The following AP3B1 variants were observed in gnomAD, a reference collection of about 807,000 sequenced individuals.
The protein encoded by AP3B1 is adaptor related protein complex 3 subunit beta 1.
In AP3B1, 61 loss-of-function variants were observed where a neutral mutation model predicts 132.5. The ratio of observed to expected loss-of-function variants is 0.46; its 90% CI spans 0.37 to 0.57. The LOEUF (loss-of-function observed/expected upper bound fraction) is 0.57. Among genes scored for constraint, AP3B1 ranks in the 20% least tolerant of loss-of-function variants. The pLI, the probability that AP3B1 is intolerant of heterozygous loss-of-function variation, is 0.00. For missense variants in AP3B1, 1,120 were observed against 1,289.4 expected, an observed-to-expected ratio of 0.87 and a Z score of 2.01; for synonymous variants, 388 against 438.3, an observed-to-expected ratio of 0.89 and a Z score of 1.43.
intron 14 of AP3B1, among the ~76,000 whole-genome samples, chr5:78,148,588 T>C (rs1354466283): frequency 6.6e-6 from 1 of 152,232 alleles, no homozygotes; most frequent in Non-Finnish European, 1.5e-5. Context: ...TCAATGTTTT[T>C]AGTTCTAGGT....
intron 24 of AP3B1, among the ~76,000 whole-genome samples, chr5:78,033,887 G>GA (rs141511109): frequency 0.16 from 23,344 of 148,186 alleles, 2,256 homozygotes; most frequent in Admixed American, 0.27. Context: ...ATGTAAAAAG[G>GA]AAAAAAAAAA....
In AP3B1 at chr5:78,039,798, G is replaced by A. The variant is rs375445190; in HGVS notation, c.2578-524C>T. 3.2e-3 allele frequency among the ~76,000 whole-genome samples: 414 copies of A among 130,012 alleles called. 2 individuals are homozygous for A. Among genetic ancestry groups the A allele is most frequent in the African/African-American group, 0.011 (363 of 34,062 alleles). The allele number at this position is 130,012 out of a possible 152,430, so 85.3% of individuals were successfully genotyped here. ...GTCTCAAAAAAAAAAAAAAAGAAAAGAAAAGAAAAAAAAAAGAAATTTTTC... is the reference window on the plus strand; with the variant it reads ...GTCTCAAAAAAAAAAAAAAAGAAAAAAAAAGAAAAAAAAAAGAAATTTTTC... On this transcript the variant is annotated intron_variant, in intron 22 of 26. Coordinates refer to ENST00000255194, the MANE Select transcript of AP3B1 (RefSeq NM_003664.5).
chr5:78,025,486 G>A (rs116928892), intron 24 of AP3B1, among the ~76,000 whole-genome samples: 4,505 of 152,284 alleles, frequency 0.03, 165 homozygotes, highest in East Asian at 0.14. Context: ...GAGTGATCAA[G>A]TGACCCAGTT....
rs141102178 is a variant in AP3B1 at position 78,113,813 on chromosome 5, G to A, written c.2188C>T (p.Arg730Trp). ...SSSEQDSESGRESGLENKRTA... is the reference protein window; with the variant it reads ...SSSEQDSESGWESGLENKRTA... The stretch of plus-strand genomic sequence containing the variant: ...CTTTTGTTTTCTAGGCCTGACTCCC[G>A]TCCACTCTCACTGTCCTGCTCACTG... The change falls in exon 19 of 27, where the codon CGG (arginine) becomes TGG (tryptophan). Residue 730 changes from arginine to tryptophan, a missense_variant. Arg to Trp is a moderately radical substitution (Grantham distance 101, BLOSUM62 -3). Around this residue, in one of 3 missense-constraint regions of AP3B1, gnomAD observed 906 missense variants for 997.1 expected, o/e 0.91. Transcript: ENST00000255194. 614 of 1,613,826 alleles carry A rather than the reference G, an allele frequency of 3.8e-4. 1 individual carries two copies. The highest frequency in any genetic ancestry group is 4.1e-4 in the Non-Finnish European group (480 of 1,180,008).
intron 1 of AP3B1, among the ~76,000 whole-genome samples, chr5:78,279,322 G>T (rs570889270): frequency 1.2e-4 from 19 of 152,090 alleles, no homozygotes; most frequent in African/African-American, 4.6e-4. Context: ...TTTATTTTCT[G>T]AAGCTTATAA....
At chr5:78,006,376 C>A (rs1746396719) in intron 26 of AP3B1, among the ~76,000 whole-genome samples, 1 of 152,186 alleles carries the variant, frequency 6.6e-6, no homozygotes. Context: ...CTAATATACA[C>A]ATAATCTATT....
chr5:78,043,856 A>G (rs1748203459), intron 22 of AP3B1: 3 of 363,530 alleles, frequency 8.3e-6, no homozygotes, highest in African/African-American at 4.3e-5. Context: ...TGGTAGACAC[A>G]GGCATTGACA....
At chr5:78,018,344 A>G (rs1431937269) in intron 25 of AP3B1, among the ~76,000 whole-genome samples, 1 of 151,986 alleles carries the variant, frequency 6.6e-6, no homozygotes, top group Non-Finnish European at 1.5e-5. Context: ...AAAAAAGTTT[A>G]GCCATGAAAC....
Position 78,239,778 on chromosome 5 carries a change from C to CAAA in AP3B1, c.279+1081_279+1083dup, listed in dbSNP as rs560151932. ...TGAGTGACGAAGTGAGACTCTGTCTCAAAAAAAAAAAAAAAAAAAAATCAA... is the reference window on the plus strand; with the variant it reads ...TGAGTGACGAAGTGAGACTCTGTCTCAAAAAAAAAAAAAAAAAAAAAAAATCAA... On this transcript the variant is annotated intron_variant, in intron 3 of 26. Coordinates refer to ENST00000255194, the MANE Select transcript of AP3B1 (RefSeq NM_003664.5). Among the ~76,000 whole-genome samples, 102 of 77,206 alleles carry CAAA rather than the reference C, an allele frequency of 1.3e-3. 1 individual carries two copies. Among genetic ancestry groups the CAAA allele is most frequent in the African/African-American group, 4.3e-3 (88 of 20,484 alleles). 50.7% of individuals were successfully genotyped at this position (77,206 alleles called of 152,430 possible).
intron 2 of AP3B1, among the ~76,000 whole-genome samples, chr5:78,246,417 G>T (rs1747382023): frequency 6.6e-6 from 1 of 152,108 alleles, no homozygotes; most frequent in Admixed American, 6.6e-5. Context: ...ACTGAACTCA[G>T]AAATTGAATT....
chr5:78,021,323 A>C (rs1239937658), intron 24 of AP3B1, among the ~76,000 whole-genome samples: 1 of 152,090 alleles, frequency 6.6e-6, no homozygotes, highest in East Asian at 1.9e-4. Flanking sequence ...AAAAGCCCTT[A>C]TTTGCTAGCA....
At chr5:78,004,712 A>G (rs1013479597) in intron 26 of AP3B1, among the ~76,000 whole-genome samples, 3 of 152,216 alleles carry the variant, frequency 2.0e-5, no homozygotes, top group African/African-American at 7.2e-5. Context: ...TATGTTAGAA[A>G]ATCTTCCTAG....
intron 26 of AP3B1, among the ~76,000 whole-genome samples, chr5:78,004,112 C>G (rs560869955): frequency 6.6e-6 from 1 of 152,324 alleles, no homozygotes; most frequent in Admixed American, 6.5e-5. Context: ...GGCCAATCCC[C>G]TTGCCCCTTT....
At chr5:78,247,478 T>C (rs1342497594) in intron 2 of AP3B1, among the ~76,000 whole-genome samples, 1 of 151,328 alleles carries the variant, frequency 6.6e-6, no homozygotes, top group African/African-American at 2.4e-5. Context: ...TAATTGTGAA[T>C]TTGTCAATCT....
At chr5:78,193,758 A>ATT in intron 7 of AP3B1, among the ~76,000 whole-genome samples, 1 of 114,796 alleles carries the variant, frequency 8.7e-6, no homozygotes, top group East Asian at 2.4e-4. Flanking sequence ...ATATATATAT[A>ATT]TATATATATA....
chr5:78,167,660 T>C (rs539819552), intron 11 of AP3B1, among the ~76,000 whole-genome samples: 2,299 of 146,858 alleles, frequency 0.016, 60 homozygotes, highest in African/African-American at 0.054. Context: ...CACACACACA[T>C]ACACACCATG....
intron 7 of AP3B1, among the ~76,000 whole-genome samples, chr5:78,193,768 A>ATTTTTTTTT (rs748328573): frequency 1.1e-3 from 73 of 66,680 alleles, no homozygotes; most frequent in African/African-American, 4.3e-3. Flanking sequence ...ATATATATAT[A>ATTTTTTTTT]TATTTTTTTT....
chr5:78,262,776 G>A (rs1040673765), intron 2 of AP3B1, among the ~76,000 whole-genome samples: 2 of 151,228 alleles, frequency 1.3e-5, no homozygotes, highest in African/African-American at 2.4e-5. Flanking sequence ...CACTCCAAGC[G>A]ATACCACAAC....
At position 78,225,571 on chromosome 5, in the gene AP3B1, T is replaced by C. The variant is rs1202838347; in HGVS notation, c.574A>G (p.Ile192Val). 5.7e-6 allele frequency: 9 copies of C among 1,581,040 alleles called. No individual in the cohort carries two copies. Among genetic ancestry groups the C allele is most frequent in the Non-Finnish European group, 2.6e-6 (3 of 1,152,640 alleles). ...CTTTTATCTTTCAGAAGTTTTTCAA[T>C]TACTTCAATTAACATTTCCTTCTGC... ...PEQKEMLIEV[I>V]EKLLKDKSTL... Residue 192 changes from isoleucine to valine, a missense_variant, in exon 6 of 27, where the codon ATT becomes GTT. By Grantham distance (29) the Ile-to-Val change is conservative. This residue lies in a region of AP3B1 where 129 missense variants were observed against 212.4 expected (regional missense o/e 0.61). Coordinates refer to ENST00000255194, the MANE Select transcript of AP3B1 (RefSeq NM_003664.5).
Sources: gnomAD v4.1 joint callset for allele counts (sites outside exome capture counted in the v4.1 genomes callset) on GRCh38, gnomAD v4.1.1 for gene constraint, gnomAD v4.1.1 regional missense constraint, MANE v1.5 for transcripts, NCBI Gene and HGNC (gene_info 2026-07-23, HGNC 2026-07-21) for gene names.